The following HAO2 variants were observed in gnomAD, a reference collection of about 807,000 sequenced individuals.
HAO2 encodes hydroxyacid oxidase 2.
A neutral mutation model predicts 37.4 loss-of-function variants in HAO2; 42 were observed. That is an observed-to-expected ratio of 1.12 (90% CI 0.88 to 1.45). The LOEUF (loss-of-function observed/expected upper bound fraction) is 1.45, where lower values mean the gene tolerates loss of function less well. Among genes scored for constraint, HAO2 ranks in the 40% most tolerant of loss-of-function variants. HAO2 has a pLI of 0.00. For synonymous variants in HAO2, 180 were observed against 162.8 expected, an observed-to-expected ratio of 1.11 and a Z score of -0.81; for missense variants, 476 against 430.2, an observed-to-expected ratio of 1.11 and a Z score of -0.94.
At chr1:119,378,287 C>T (rs1340117870) in intron 1 of HAO2, among the ~76,000 whole-genome samples, 1 of 152,092 alleles carries the variant, frequency 6.6e-6, no homozygotes, top group Non-Finnish European at 1.5e-5. Flanking sequence ...GAGACTCATT[C>T]ACTCTCACAA....
At position 119,393,967 on chromosome 1, in the gene HAO2, C is replaced by T; in HGVS notation, c.*127C>T. On this transcript the variant is annotated 3_prime_UTR_variant, in exon 8 of 8. Coordinates refer to ENST00000325945, the MANE Select transcript of HAO2 (RefSeq NM_016527.4). ...GGAGGCTCATGGCCCATATTTCCCA[C>T]ATTTCTAATACCACCACCCCTGTGC... 1 of 1,545,726 alleles carries T rather than the reference C, an allele frequency of 6.5e-7. No homozygotes were observed. Among genetic ancestry groups the T allele is most frequent in the Non-Finnish European group, 8.8e-7 (1 of 1,138,412 alleles).
At chr1:119,386,895 T>C (rs950793715) in intron 5 of HAO2, 64 bp downstream of exon 5, 9 of 983,894 alleles carry the variant, frequency 9.1e-6, no homozygotes, top group Admixed American at 8.5e-5. Context: ...TGTGAGTGTG[T>C]CCACATCAAG....
At position 119,384,839 on chromosome 1, in the gene HAO2, T is replaced by C; in HGVS notation, c.347T>C (p.Ile116Thr). The change falls in exon 4 of 8, where the codon ATT becomes ACT. Residue 116 changes from isoleucine (I) to threonine (T), a missense_variant. By Grantham distance (89) the Ile-to-Thr change is moderately conservative (BLOSUM62 -1). Transcript: ENST00000325945. ...TTTGCCAGCTGTAGCCTTGAAGACA[T>C]TGTCATTGCAGCTCCCGAAGGCCTC... ...STFASCSLED[I>T]VIAAPEGLRW... 1 of 1,613,846 alleles carries C rather than the reference T, an allele frequency of 6.2e-7. No individual in the cohort carries two copies. Among genetic ancestry groups the C allele is most frequent in the Middle Eastern group, 1.7e-4 (1 of 6,060 alleles).
intron 2 of HAO2, among the ~76,000 whole-genome samples, chr1:119,381,834 T>C (rs1444884263): frequency 2.0e-5 from 3 of 152,168 alleles, no homozygotes; most frequent in Non-Finnish European, 2.9e-5. Flanking sequence ...TTGTAATACA[T>C]AAAAATTATA....
At chr1:119,380,392 G>GTAT in intron 1 of HAO2, 1 of 353,868 alleles carries the variant, frequency 2.8e-6, no homozygotes, top group East Asian at 4.5e-5. Context: ...TAGGAAAAAG[G>GTAT]TAGATGGTGA....
chr1:119,369,138 A>T (rs1557837667), intron 1 of HAO2: 1 of 152,178 alleles, frequency 6.6e-6, no homozygotes, highest in Admixed American at 6.6e-5. Context: ...TGAGTCTTAG[A>T]ATTGTATGGT....
intron 3 of HAO2, among the ~76,000 whole-genome samples, chr1:119,384,151 C>G (rs1650190205): frequency 6.6e-6 from 1 of 152,164 alleles, no homozygotes; most frequent in South Asian, 2.1e-4. Context: ...AACGTCATCA[C>G]CATCAACTTC....
intron 3 of HAO2, among the ~76,000 whole-genome samples, chr1:119,383,662 CAAT>C (rs749935310): frequency 9.2e-5 from 14 of 151,522 alleles, no homozygotes; most frequent in South Asian, 2.1e-4. Flanking sequence ...CCACCACCGC[CAAT>C]AATAATAATA....
chr1:119,391,043 G>T (rs72991422), intron 5 of HAO2, among the ~76,000 whole-genome samples: 5,373 of 152,192 alleles, frequency 0.035, 298 homozygotes, highest in African/African-American at 0.12. Context: ...ATTAGAATGT[G>T]AATTCTCTCT....
chr1:119,392,089 C>G, intron 5 of HAO2, 21 bp from the exon 6 acceptor site: 4 of 1,601,824 alleles, frequency 2.5e-6, no homozygotes, highest in Non-Finnish European at 3.4e-6. Context: ...GCCCTCCAGC[C>G]CATGTGTATC....
chr1:119,390,149 G>A (rs934342188), intron 5 of HAO2, among the ~76,000 whole-genome samples: 6 of 152,168 alleles, frequency 3.9e-5, no homozygotes, highest in African/African-American at 1.4e-4. Flanking sequence ...TGGTCCATGT[G>A]CCTATTTTTA....
At chr1:119,371,003 A>G (rs1243892576) in intron 1 of HAO2, among the ~76,000 whole-genome samples, 2 of 152,180 alleles carry the variant, frequency 1.3e-5, no homozygotes, top group Non-Finnish European at 2.9e-5. Flanking sequence ...TGCACATTCT[A>G]TCCTTGTTGA....
intron 5 of HAO2, among the ~76,000 whole-genome samples, chr1:119,391,182 T>G (rs777895854): frequency 7.9e-5 from 12 of 151,832 alleles, no homozygotes; most frequent in Non-Finnish European, 1.6e-4. Context: ...TCAGGTAGAA[T>G]GCTAATGGAT....
rs1032420804 is a variant in HAO2 at position 119,393,805 on chromosome 1, A to T, written c.1021A>T (p.Ile341Phe). 3.7e-6 allele frequency: 6 copies of T among 1,613,188 alleles called. No homozygotes were observed. The highest frequency in any genetic ancestry group is 3.3e-5 in the Admixed American group (2 of 59,938). The change falls in exon 8 of 8, where the codon ATC (isoleucine) becomes TTC (phenylalanine). Residue 341 changes from isoleucine (I) to phenylalanine (F), a missense_variant. Physicochemically the swap from Ile to Phe is conservative, Grantham distance 21 (BLOSUM62 0). Coordinates refer to ENST00000325945, the MANE Select transcript of HAO2 (RefSeq NM_016527.4). ...ALTGCRSVAEINRNLVQFSRL is the reference protein window; with the variant it reads ...ALTGCRSVAEFNRNLVQFSRL ...TTTAGGCTGCCGGTCGGTCGCTGAG[A>T]TCAATCGAAACTTGGTCCAGTTTTC...
At position 119,384,774 on chromosome 1, in the gene HAO2, A is replaced by T; in HGVS notation, c.284-2A>T. 1 of 1,613,622 alleles carries T rather than the reference A, an allele frequency of 6.2e-7. No homozygotes were observed. Among genetic ancestry groups the T allele is most frequent in the Non-Finnish European group, 8.5e-7 (1 of 1,179,732 alleles). On this transcript the variant is annotated splice_acceptor_variant, in intron 3 of 7. Coordinates refer to ENST00000325945, the MANE Select transcript of HAO2 (RefSeq NM_016527.4). LOFTEE classifies it high-confidence loss of function. ...GCCTGAGTCATGTCCTTTGCTTTAC[A>T]GCTGCCCAAGCGGCTGGTATCTGCT...
intron 1 of HAO2, 24 bp downstream of exon 1, chr1:119,368,926 G>A (rs1311014460): frequency 6.6e-6 from 1 of 152,214 alleles, no homozygotes; most frequent in Admixed American, 6.5e-5. Flanking sequence ...TGTGTTCTGT[G>A]TGCTTGGAAC....
chr1:119,382,963 C>G lies in HAO2; in HGVS notation c.180C>G (p.Thr60=). 6.2e-7 allele frequency: 1 copy of G among 1,613,262 alleles called. No individual in the cohort carries two copies. Among genetic ancestry groups the G allele is most frequent in the Non-Finnish European group, 8.5e-7 (1 of 1,179,330 alleles). Residue 60 remains threonine (T), a synonymous_variant, in exon 3 of 8, where the codon ACC becomes ACG. Coordinates refer to ENST00000325945, the MANE Select transcript of HAO2 (RefSeq NM_016527.4). ...RYLRDVSEVD[T]RTTIQGEEIS... Reference sequence around the variant, plus strand: ...TGAGAGATGTGTCTGAGGTGGACACCAGAACCACAATCCAAGGGGAGGAGA... The same window carrying G: ...TGAGAGATGTGTCTGAGGTGGACACGAGAACCACAATCCAAGGGGAGGAGA...
chr1:119,370,873 C>T (rs1648936162), intron 1 of HAO2, among the ~76,000 whole-genome samples: 1 of 152,202 alleles, frequency 6.6e-6, no homozygotes, highest in South Asian at 2.1e-4. Flanking sequence ...CTCTCTCCTG[C>T]TACAACCCAG....
In HAO2 at chr1:119,393,857, A is replaced by G. The variant is rs1435496583; in HGVS notation, c.*17A>G. 5.6e-6 allele frequency: 9 copies of G among 1,612,480 alleles called. No homozygotes were observed. Among genetic ancestry groups the G allele is most frequent in the Non-Finnish European group, 7.6e-6 (9 of 1,178,876 alleles). On this transcript the variant is annotated 3_prime_UTR_variant, in exon 8 of 8. Coordinates refer to ENST00000325945, the MANE Select transcript of HAO2 (RefSeq NM_016527.4). ...AGGCTGTAAGAAAAAAGGGCCAATA[A>G]CCAGACTGCTGAGGTTGCCCACAGG...
Sources: gnomAD v4.1 joint callset for allele counts (sites outside exome capture counted in the v4.1 genomes callset) on GRCh38, gnomAD v4.1.1 for gene constraint, MANE v1.5 for transcripts, NCBI Gene and HGNC (gene_info 2026-07-23, HGNC 2026-07-21) for gene names.